The following EMCN variants were observed in gnomAD, a reference collection of about 807,000 sequenced individuals.
EMCN encodes the protein MUC-14.
A neutral mutation model predicts 38.4 loss-of-function variants in EMCN; 37 were observed. The ratio of observed to expected loss-of-function variants is 0.96; its 90% CI spans 0.74 to 1.27. The LOEUF is 1.27. Among genes scored for constraint, EMCN ranks in the 50% most tolerant of loss-of-function variants. The probability of loss-of-function intolerance (pLI) is 0.00; values close to 1 mark genes in which losing one functional copy is unlikely to be tolerated. For missense variants in EMCN, 318 were observed against 302.8 expected, an observed-to-expected ratio of 1.05 and a Z score of -0.37; for synonymous variants, 95 against 100.8, an observed-to-expected ratio of 0.94 and a Z score of 0.35.
At chr4:100,514,710 A>G (rs535865200) in intron 1 of EMCN, among the ~76,000 whole-genome samples, 1 of 152,190 alleles carries the variant, frequency 6.6e-6, no homozygotes, top group East Asian at 1.9e-4. Flanking sequence ...AGAATATACC[A>G]ATGTTTCAAT....
intron 1 of EMCN, among the ~76,000 whole-genome samples, chr4:100,485,641 T>C (rs1578225835): frequency 1.3e-5 from 2 of 151,824 alleles, no homozygotes; most frequent in African/African-American, 2.4e-5. Flanking sequence ...TAGATACAAA[T>C]AAAATAAAGT....
intron 1 of EMCN, among the ~76,000 whole-genome samples, chr4:100,499,184 C>T (rs1729286909): frequency 1.3e-5 from 2 of 152,098 alleles, no homozygotes; most frequent in Non-Finnish European, 2.9e-5. Context: ...GATCCTTTAG[C>T]ATTTAATCCC....
chr4:100,498,367 A>G (rs1729263569), intron 1 of EMCN, among the ~76,000 whole-genome samples: 1 of 152,258 alleles, frequency 6.6e-6, no homozygotes, highest in Non-Finnish European at 1.5e-5. Context: ...AATCTAGTTC[A>G]TGAACAAAGT....
At chr4:100,486,721 TG>T in intron 1 of EMCN, 1 of 443,474 alleles carries the variant, frequency 2.3e-6, no homozygotes, top group Non-Finnish European at 3.0e-6. Context: ...CTGGCCGCTC[TG>T]GGGAGAACAG....
chr4:100,462,106 C>A (rs974364122), intron 4 of EMCN, among the ~76,000 whole-genome samples: 2 of 152,102 alleles, frequency 1.3e-5, no homozygotes, highest in African/African-American at 4.8e-5. Context: ...AGAGAGGGAT[C>A]TAGGGAATAA....
intron 1 of EMCN, among the ~76,000 whole-genome samples, chr4:100,516,906 G>A (rs1020203495): frequency 6.6e-6 from 1 of 151,354 alleles, no homozygotes; most frequent in African/African-American, 2.4e-5. Flanking sequence ...TTTCCCAATT[G>A]TGTTCTTTTA....
chr4:100,473,385 T>TTTTTTTTTTTTTTTTTTTAATA (rs1728546624), intron 3 of EMCN, among the ~76,000 whole-genome samples: 1 of 114,060 alleles, frequency 8.8e-6, no homozygotes, highest in Non-Finnish European at 1.8e-5. Flanking sequence ...TTTTTTTTTT[T>TTTTTTTTTTTTTTTTTTTAATA]GTTTTTTTTT....
chr4:100,447,601 G>T (rs745456241), intron 4 of EMCN, 30 bp from the exon 5 acceptor site: 17 of 1,454,570 alleles, frequency 1.2e-5, no homozygotes, highest in Non-Finnish European at 1.6e-5. Flanking sequence ...AAAAAAATCA[G>T]TACAATTAAA....
At chr4:100,513,582 G>T (rs973812984) in intron 1 of EMCN, among the ~76,000 whole-genome samples, 2 of 152,120 alleles carry the variant, frequency 1.3e-5, no homozygotes, top group African/African-American at 4.8e-5. Context: ...GTTCTGTTTA[G>T]ATATTCTTCC....
At chr4:100,410,942 C>T (rs1307090156) in intron 10 of EMCN, among the ~76,000 whole-genome samples, 2 of 152,168 alleles carry the variant, frequency 1.3e-5, no homozygotes, top group South Asian at 4.1e-4. Context: ...AAGTATTTTT[C>T]ACATGCCACT....
chr4:100,410,403 AG>A, intron 10 of EMCN, 48 bp from the exon 11 acceptor site: 1 of 1,554,056 alleles, frequency 6.4e-7, no homozygotes, highest in Non-Finnish European at 8.8e-7. Flanking sequence ...AGACTGAGTA[AG>A]GATGAAAATA....
chr4:100,398,687 T>C (rs948260536), intron 11 of EMCN, among the ~76,000 whole-genome samples: 1 of 152,234 alleles, frequency 6.6e-6, no homozygotes, highest in East Asian at 1.9e-4. Context: ...CTATTCTTCC[T>C]CACTCCCCAT....
At chr4:100,507,953 A>G (rs182947169) in intron 1 of EMCN, among the ~76,000 whole-genome samples, 37 of 152,300 alleles carry the variant, frequency 2.4e-4, no homozygotes, top group Admixed American at 1.7e-3. Context: ...GACACTTTCT[A>G]ACATCCCTAA....
chr4:100,463,799 G>A (rs1361723388), intron 4 of EMCN, among the ~76,000 whole-genome samples: 1 of 152,040 alleles, frequency 6.6e-6, no homozygotes, highest in East Asian at 1.9e-4. Flanking sequence ...ATGTTTTTGA[G>A]GTTCATACTT....
At chr4:100,471,416 G>T (rs1728473276) in intron 3 of EMCN, among the ~76,000 whole-genome samples, 1 of 151,794 alleles carries the variant, frequency 6.6e-6, no homozygotes, top group African/African-American at 2.4e-5. Context: ...AAATCTAATA[G>T]ATTTATAATA....
At chr4:100,423,436 T>TTAATACCATAGCCTG in intron 5 of EMCN, 32 bp from the exon 6 acceptor site, 1 of 1,484,188 alleles carries the variant, frequency 6.7e-7, no homozygotes, top group Non-Finnish European at 9.4e-7. Flanking sequence ...AGAATCAGGC[T>TTAATACCATAGCCTG]ATGGTATTAA....
intron 1 of EMCN, among the ~76,000 whole-genome samples, chr4:100,513,266 A>G (rs1213501974): frequency 1.3e-5 from 2 of 152,184 alleles, no homozygotes; most frequent in African/African-American, 4.8e-5. Context: ...GATTTGTTCT[A>G]TATTGGTTTA....
rs74453245 is a variant in EMCN, at chr4:100,470,943, C to T, written c.259+4095G>A. Among the ~76,000 whole-genome samples, 1,388 of 151,736 alleles carry T rather than the reference C, an allele frequency of 9.1e-3. 12 individuals are homozygous for T. The highest frequency in any genetic ancestry group is 0.015 in the Non-Finnish European group (1,022 of 67,790). On this transcript the variant is annotated intron_variant, in intron 3 of 11. Transcript: ENST00000296420. The stretch of plus-strand genomic sequence containing the variant: ...ATAATATACCAAAATTTACGGAATG[C>T]AGAGAAAGCAATGGAAAGAAGGAAA...
intron 5 of EMCN, among the ~76,000 whole-genome samples, chr4:100,436,136 A>G (rs1334204030): frequency 1.3e-5 from 2 of 152,096 alleles, no homozygotes; most frequent in Non-Finnish European, 2.9e-5. Context: ...CCATATGATA[A>G]AAGTGTAATA....
Sources: gnomAD v4.1 joint callset for allele counts (sites outside exome capture counted in the v4.1 genomes callset) on GRCh38, gnomAD v4.1.1 for gene constraint, MANE v1.5 for transcripts, NCBI Gene and HGNC (gene_info 2026-07-23, HGNC 2026-07-21) for gene names.